The following PHF21B variants were observed in gnomAD, a reference collection of about 807,000 sequenced individuals.
PHF21B encodes PHD finger protein 21B.
Under a neutral mutation model 62.2 loss-of-function variants are expected in PHF21B, and 22 were observed. That is an observed-to-expected ratio of 0.35 (90% CI 0.25 to 0.51). The LOEUF (loss-of-function observed/expected upper bound fraction) is 0.51, where lower values mean the gene tolerates loss of function less well. Among genes scored for constraint, PHF21B ranks in the 20% least tolerant of loss-of-function variants. PHF21B has a pLI of 0.97. For missense variants in PHF21B, 701 were observed against 707.9 expected (o/e 0.99, Z 0.11); for synonymous variants, 341 against 314.7 (o/e 1.08, Z -0.88).
chr22:44,930,748 G>T lies in PHF21B; in HGVS notation c.121-10258C>A, dbSNP rs143571118. Among the ~76,000 whole-genome samples, 303 of 152,084 alleles carry T rather than the reference G, an allele frequency of 2.0e-3. 2 individuals are homozygous for T. Among genetic ancestry groups the T allele is most frequent in the African/African-American group, 6.8e-3 (281 of 41,484 alleles). Reference sequence around the variant, plus strand: ...AGCACTCTGGGGCAGGCACCAGAAGGGCTCTCACCTCTTCTGACAGGATAG... The same window carrying T: ...AGCACTCTGGGGCAGGCACCAGAAGTGCTCTCACCTCTTCTGACAGGATAG... On this transcript the variant is annotated intron_variant, in intron 2 of 12. Transcript: ENST00000313237.
intron 2 of PHF21B, among the ~76,000 whole-genome samples, chr22:44,950,701 C>T (rs1257261160): frequency 6.6e-6 from 1 of 152,124 alleles, no homozygotes; most frequent in East Asian, 1.9e-4. Context: ...ACATATTATG[C>T]AAAGAGGGCT....
chr22:44,973,748 A>G (rs1198495155), intron 2 of PHF21B, among the ~76,000 whole-genome samples: 1 of 151,998 alleles, frequency 6.6e-6, no homozygotes, highest in Non-Finnish European at 1.5e-5. Context: ...AGCTTTCTCA[A>G]GACAGTGTAA....
At chr22:44,941,023 C>T (rs2071945785) in intron 2 of PHF21B, among the ~76,000 whole-genome samples, 1 of 152,214 alleles carries the variant, frequency 6.6e-6, no homozygotes, top group South Asian at 2.1e-4. Context: ...GCATGAGCAG[C>T]GGGATTCGTG....
At chr22:44,963,588 A>T (rs1279913527) in intron 2 of PHF21B, among the ~76,000 whole-genome samples, 2 of 152,206 alleles carry the variant, frequency 1.3e-5, no homozygotes, top group African/African-American at 2.4e-5. Flanking sequence ...GGATAAGAAG[A>T]TGCTTTGTAA....
At chr22:44,965,048 G>T (rs1601653194) in intron 2 of PHF21B, among the ~76,000 whole-genome samples, 1 of 152,132 alleles carries the variant, frequency 6.6e-6, no homozygotes, top group Non-Finnish European at 1.5e-5. Context: ...CCTGTGATAT[G>T]GGGGGGCTCC....
chr22:44,973,628 G>T (rs145194145), intron 2 of PHF21B, among the ~76,000 whole-genome samples: 82 of 152,116 alleles, frequency 5.4e-4, no homozygotes, highest in Non-Finnish European at 1.1e-3. Flanking sequence ...ACCCCACCAG[G>T]GTCTCCAAGT....
chr22:44,905,155 C>T (rs1390640847), intron 5 of PHF21B, among the ~76,000 whole-genome samples: 4 of 152,178 alleles, frequency 2.6e-5, no homozygotes, highest in South Asian at 4.1e-4. Context: ...CACCCTACAC[C>T]GACTCCCTCC....
chr22:44,999,561 G>A (rs1035538111), intron 2 of PHF21B, among the ~76,000 whole-genome samples: 9 of 152,130 alleles, frequency 5.9e-5, no homozygotes, highest in African/African-American at 1.4e-4. Flanking sequence ...TCACCAGGAC[G>A]GTTACTAACT....
intron 10 of PHF21B, among the ~76,000 whole-genome samples, chr22:44,887,527 T>C (rs1235329696): frequency 6.6e-6 from 1 of 151,618 alleles, no homozygotes; most frequent in Non-Finnish European, 1.5e-5. Context: ...TCCCCTCTAG[T>C]CTTGATCACC....
At chr22:44,941,896 G>A (rs375213812) in intron 2 of PHF21B, among the ~76,000 whole-genome samples, 7 of 152,268 alleles carry the variant, frequency 4.6e-5, no homozygotes, top group South Asian at 4.1e-4. Flanking sequence ...AAGCAGCCCC[G>A]TCTCCCAGGG....
chr22:44,995,916 G>A, intron 2 of PHF21B, among the ~76,000 whole-genome samples: 1 of 152,016 alleles, frequency 6.6e-6, no homozygotes, highest in East Asian at 1.9e-4. Context: ...GCCAGGTGTT[G>A]AGGGCACAGC....
intron 2 of PHF21B, among the ~76,000 whole-genome samples, chr22:44,977,255 C>T (rs959253026): frequency 1.3e-5 from 2 of 151,890 alleles, no homozygotes; most frequent in African/African-American, 4.8e-5. Flanking sequence ...TAGTTTACCA[C>T]ATATGTATAT....
intron 2 of PHF21B, chr22:45,001,992 A>G (rs2073229192): frequency 6.6e-6 from 1 of 152,230 alleles, no homozygotes; most frequent in African/African-American, 2.4e-5. Context: ...TCTAAGAAAA[A>G]CCTTTAAAAA....
chr22:44,989,405 A>G (rs2073006029), intron 2 of PHF21B: 1 of 152,104 alleles, frequency 6.6e-6, no homozygotes, highest in African/African-American at 2.4e-5. Flanking sequence ...TTTTAAACCC[A>G]TGAAACGTGA....
intron 5 of PHF21B, chr22:44,902,271 A>G (rs577099046): frequency 8.3e-6 from 2 of 240,970 alleles, no homozygotes; most frequent in East Asian, 2.3e-4. Context: ...ACACAAACAG[A>G]GAAGTACAAG....
In PHF21B at chr22:44,882,766, G is replaced by C. The variant is rs966792402; in HGVS notation, c.*320C>G. On this transcript the variant is annotated 3_prime_UTR_variant, in exon 13 of 13. Coordinates refer to ENST00000313237, the MANE Select transcript of PHF21B (RefSeq NM_138415.5). ...CTCAGCCTGCCCCTCCAACGGGCCA[G>C]AGGGAGGCCGTGGAGAGCAGGGCCT... is the stretch of plus-strand genomic sequence containing the variant. 1.6e-5 allele frequency: 5 copies of C among 303,718 alleles called. No homozygotes were observed. In the South Asian group the frequency reaches 2.7e-4, roughly 17 times the overall value. The allele number at this position is 303,718 out of a possible 1,614,324, so 18.8% of individuals were successfully genotyped here. A position where few individuals can be genotyped will look rare whatever the true frequency, so the allele number is the denominator to read the frequency against.
rs1336958103 is a variant in PHF21B at position 44,916,548 on chromosome 22, T to C, written c.296A>G (p.Gln99Arg). The C allele has an allele frequency of 1.2e-6, 2 of 1,609,176 alleles. No individual in the cohort carries two copies. Among genetic ancestry groups the C allele is most frequent in the Admixed American group, 1.7e-5 (1 of 59,958 alleles). The part of the protein sequence containing the change: ...DRPPKQPPTF[Q>R]KATVVSVKNP... ...CTTGACGCTGACCACGGTGGCCTTC[T>C]GGAATGTTGGGGGCTGCTTGGGTGG... Residue 99 changes from glutamine (Q) to arginine (R), a missense_variant, in exon 4 of 13, where the codon CAG becomes CGG. Transcript: ENST00000313237.
rs2070749304 is a variant in PHF21B at position 44,882,032 on chromosome 22, A to G, written c.*1054T>C. On this transcript the variant is annotated 3_prime_UTR_variant, in exon 13 of 13. Coordinates refer to ENST00000313237, the MANE Select transcript of PHF21B (RefSeq NM_138415.5). ...GTACCTTGAAGCAGAGACTACTAGA[A>G]GCAGAAAGGAAGTCAGCCAGAGTCC... 1 of 152,760 alleles carries G rather than the reference A, an allele frequency of 6.5e-6. No homozygotes were observed. Among genetic ancestry groups the G allele is most frequent in the South Asian group, 2.1e-4 (1 of 4,830 alleles). The allele number at this position is 152,760 out of a possible 1,614,324, so 9.5% of individuals were successfully genotyped here. A position where few individuals can be genotyped will look rare whatever the true frequency, so the allele number is the denominator to read the frequency against.
intron 2 of PHF21B, among the ~76,000 whole-genome samples, chr22:44,929,939 C>T (rs571491446): frequency 4.8e-4 from 73 of 152,242 alleles, no homozygotes; most frequent in African/African-American, 1.7e-3. Flanking sequence ...CAGGAAGGAC[C>T]CCTGCAGCAC....
Sources: allele counts gnomAD v4.1 joint callset (sites outside exome capture counted in the v4.1 genomes callset), GRCh38; gene constraint gnomAD v4.1.1; transcripts MANE v1.5; gene names NCBI Gene and HGNC (gene_info 2026-07-23, HGNC 2026-07-21).